Variants in GRIK1 observed in about 807,000 individuals in gnomAD.
GRIK1 encodes glutamate ionotropic receptor kainate type subunit 1.
GRIK1 carries 69 observed loss-of-function variants against 105.7 expected under a neutral mutation model. The ratio of observed to expected loss-of-function variants is 0.65; its 90% CI spans 0.54 to 0.80. The LOEUF (loss-of-function observed/expected upper bound fraction) is 0.80. Ranked by LOEUF, GRIK1 falls within the 30% of genes least tolerant of loss-of-function variation. The pLI is 0.00. For synonymous variants in GRIK1, 438 were observed against 431.3 expected (o/e 1.02, Z -0.19); for missense variants, 1,109 against 1,167.3 (o/e 0.95, Z 0.73).
At chr21:29,697,015 G>A (rs1409997092) in intron 1 of GRIK1, among the ~76,000 whole-genome samples, 2 of 151,450 alleles carry the variant, frequency 1.3e-5, no homozygotes, top group African/African-American at 4.8e-5. Context: ...TTTTATAAAT[G>A]AAAAAGTGAA....
chr21:29,695,461 T>TATCTATCTATC (rs1555874119), intron 1 of GRIK1, among the ~76,000 whole-genome samples: 4 of 146,658 alleles, frequency 2.7e-5, no homozygotes, highest in African/African-American at 1.0e-4. Context: ...TCTATCTATC[T>TATCTATCTATC]ATCTATCTAT....
intron 1 of GRIK1, among the ~76,000 whole-genome samples, chr21:29,893,350 T>C (rs2069978106): frequency 1.3e-5 from 2 of 152,224 alleles, no homozygotes; most frequent in African/African-American, 2.4e-5. Flanking sequence ...TATTATACTA[T>C]GAATAAAACA....
At chr21:29,900,912 A>G (rs1303865782) in intron 1 of GRIK1, among the ~76,000 whole-genome samples, 1 of 152,206 alleles carries the variant, frequency 6.6e-6, no homozygotes, top group Non-Finnish European at 1.5e-5. Flanking sequence ...AGCAAATGTA[A>G]AAGAACAGAA....
intron 7 of GRIK1, among the ~76,000 whole-genome samples, chr21:29,636,134 G>A (rs2062393542): frequency 6.6e-6 from 1 of 152,138 alleles, no homozygotes; most frequent in South Asian, 2.1e-4. Flanking sequence ...AACAGGGAAA[G>A]GAGAAAGAGG....
At chr21:29,726,992 C>T (rs115780878) in intron 1 of GRIK1, among the ~76,000 whole-genome samples, 3,603 of 152,030 alleles carry the variant, frequency 0.024, 142 homozygotes, top group African/African-American at 0.083. Flanking sequence ...TGCAGTGGTG[C>T]GATCTTGATC....
chr21:29,901,954 A>G (rs980744818), intron 1 of GRIK1, among the ~76,000 whole-genome samples: 20 of 152,134 alleles, frequency 1.3e-4, no homozygotes, highest in African/African-American at 4.8e-4. Flanking sequence ...CCACCACAAT[A>G]AGTCAGCTTC....
intron 1 of GRIK1, among the ~76,000 whole-genome samples, chr21:29,895,048 C>A (rs79114888): frequency 6.6e-6 from 1 of 152,092 alleles, no homozygotes; most frequent in Non-Finnish European, 1.5e-5. Flanking sequence ...AGAATTGATA[C>A]GGATCTAATA....
intron 1 of GRIK1, among the ~76,000 whole-genome samples, chr21:29,899,064 A>C (rs775652814): frequency 3.0e-4 from 46 of 152,166 alleles, no homozygotes; most frequent in Admixed American, 6.6e-5. Flanking sequence ...GCTTTCTCTA[A>C]AAGTCAGTTT....
intron 13 of GRIK1, among the ~76,000 whole-genome samples, chr21:29,578,428 G>C (rs890780094): frequency 2.0e-5 from 3 of 152,158 alleles, no homozygotes; most frequent in African/African-American, 7.2e-5. Flanking sequence ...TTTGTGCTAA[G>C]GTTTAATCTA....
At chr21:29,595,235 C>T (rs2061389248) in intron 9 of GRIK1, among the ~76,000 whole-genome samples, 1 of 151,972 alleles carries the variant, frequency 6.6e-6, no homozygotes, top group Admixed American at 6.6e-5. Flanking sequence ...AGAGGACATC[C>T]CCCCTCCCCT....
At chr21:29,887,400 C>T (rs1205252030) in intron 1 of GRIK1, among the ~76,000 whole-genome samples, 1 of 152,164 alleles carries the variant, frequency 6.6e-6, no homozygotes, top group African/African-American at 2.4e-5. Flanking sequence ...TTAGAGGAAA[C>T]ATTGAGCTCT....
chr21:29,670,081 G>T (rs530817068), intron 4 of GRIK1, among the ~76,000 whole-genome samples: 1 of 152,076 alleles, frequency 6.6e-6, no homozygotes, highest in Non-Finnish European at 1.5e-5. Context: ...TCCAAAAAGC[G>T]CAATTGCCCT....
At chr21:29,737,631 C>T (rs180746699) in intron 1 of GRIK1, among the ~76,000 whole-genome samples, 63 of 152,332 alleles carry the variant, frequency 4.1e-4, no homozygotes, top group African/African-American at 1.5e-3. Context: ...ATACTCACTT[C>T]AAATCTCATG....
At chr21:29,888,433 T>G (rs2146211011) in intron 1 of GRIK1, among the ~76,000 whole-genome samples, 1 of 150,986 alleles carries the variant, frequency 6.6e-6, no homozygotes, top group South Asian at 2.1e-4. Context: ...CCCAGCTAAT[T>G]TTTGTACTTT....
At chr21:29,650,076 GAT>G (rs2062700230) in intron 6 of GRIK1, among the ~76,000 whole-genome samples, 1 of 152,150 alleles carries the variant, frequency 6.6e-6, no homozygotes, top group Non-Finnish European at 1.5e-5. Context: ...TTTGTACCAA[GAT>G]GCTTTCCATC....
chr21:29,858,468 G>A (rs979619929), intron 1 of GRIK1, among the ~76,000 whole-genome samples: 1 of 152,100 alleles, frequency 6.6e-6, no homozygotes, highest in Admixed American at 6.5e-5. Flanking sequence ...CCTTCCTTTA[G>A]GAAGTGACTC....
intron 16 of GRIK1, among the ~76,000 whole-genome samples, chr21:29,554,087 A>G (rs954581861): frequency 6.6e-6 from 1 of 152,150 alleles, no homozygotes; most frequent in African/African-American, 2.4e-5. Flanking sequence ...AAGAAAGTGG[A>G]TCTATTATCA....
chr21:29,537,917 A>T, intron 16 of GRIK1, 33 bp from the exon 17 acceptor site: 1 of 992,268 alleles, frequency 1.0e-6, no homozygotes. Context: ...AAACAATTTT[A>T]AATTGTACAT....
At chr21:29,792,445 G>C (rs977230839) in intron 1 of GRIK1, among the ~76,000 whole-genome samples, 1 of 152,162 alleles carries the variant, frequency 6.6e-6, no homozygotes, top group Non-Finnish European at 1.5e-5. Context: ...GCACTGGTTT[G>C]CCATTCCCAT....
Sources: allele counts gnomAD v4.1 joint callset (sites outside exome capture counted in the v4.1 genomes callset), GRCh38; gene constraint gnomAD v4.1.1; transcripts MANE v1.5; gene names NCBI Gene and HGNC (gene_info 2026-07-23, HGNC 2026-07-21).